Variants in PXDNL observed in about 807,000 individuals in gnomAD.
PXDNL encodes peroxidasin like, also known as probable oxidoreductase PXDNL.
Under a neutral mutation model 150.8 loss-of-function variants are expected in PXDNL, and 145 were observed. The ratio of observed to expected loss-of-function variants is 0.96; its 90% CI spans 0.84 to 1.10. PXDNL has a LOEUF of 1.10. Ranked by LOEUF, PXDNL falls within the 50% of genes least tolerant of loss-of-function variation. The probability of loss-of-function intolerance (pLI) is 0.00; values close to 1 mark genes in which losing one functional copy is unlikely to be tolerated. For synonymous variants in PXDNL, 757 were observed against 725.7 expected, an observed-to-expected ratio of 1.04 and a Z score of -0.69; for missense variants, 2,087 against 1,873.9, an observed-to-expected ratio of 1.11 and a Z score of -2.10.
intron 17 of PXDNL, among the ~76,000 whole-genome samples, chr8:51,386,057 G>A (rs1353877481): frequency 6.6e-6 from 1 of 151,848 alleles, no homozygotes; most frequent in Non-Finnish European, 1.5e-5. Flanking sequence ...CTCCATTGGT[G>A]GAATTCAAGA....
intron 1 of PXDNL, among the ~76,000 whole-genome samples, chr8:51,699,070 G>A (rs576280790): frequency 2.6e-5 from 4 of 152,088 alleles, no homozygotes; most frequent in Non-Finnish European, 5.9e-5. Flanking sequence ...AATTCTTGAG[G>A]ACTCTAGGAT....
chr8:51,466,475 A>C (rs190164460), intron 8 of PXDNL, among the ~76,000 whole-genome samples: 1 of 152,248 alleles, frequency 6.6e-6, no homozygotes, highest in Admixed American at 6.5e-5. Flanking sequence ...CCTTCTCACC[A>C]TCAGTCTTGG....
chr8:51,353,233 TCTC>T (rs1254052857), intron 19 of PXDNL, among the ~76,000 whole-genome samples: 1 of 150,502 alleles, frequency 6.6e-6, no homozygotes, highest in African/African-American at 2.4e-5. Flanking sequence ...AGTTATTACT[TCTC>T]CTTCCTTTAT....
intron 14 of PXDNL, among the ~76,000 whole-genome samples, chr8:51,422,487 T>C (rs570113312): frequency 6.6e-6 from 1 of 152,314 alleles, no homozygotes; most frequent in East Asian, 1.9e-4. Context: ...TTTATAAATA[T>C]GAGTTGATAA....
chr8:51,762,313 G>A (rs1168080084), intron 1 of PXDNL, among the ~76,000 whole-genome samples: 1 of 152,144 alleles, frequency 6.6e-6, no homozygotes, highest in Non-Finnish European at 1.5e-5. Flanking sequence ...ATCCTGCAAA[G>A]TCTCTTGTGG....
chr8:51,511,656 G>A lies in PXDNL; in HGVS notation c.381-11886C>T, dbSNP rs57615873. Among the ~76,000 whole-genome samples the A allele has an allele frequency of 5.5e-3, 832 of 152,306 alleles. 7 individuals are homozygous for A. Among genetic ancestry groups the A allele is most frequent in the African/African-American group, 0.019 (794 of 41,556 alleles). ...GCTGCAGGCCAGACTCAGGCAGGCA[G>A]GGCAGAAAAAGGATGACTGAGGTCA... On this transcript the variant is annotated intron_variant, in intron 4 of 22. Transcript: ENST00000356297.
chr8:51,633,680 AG>A lies in PXDNL; in HGVS notation c.236+21008del, dbSNP rs768106687. Among the ~76,000 whole-genome samples, 25 of 152,098 alleles carry A rather than the reference AG, an allele frequency of 1.6e-4. No individual in the cohort carries two copies. The South Asian group carries it at 2.3e-3, about 14-fold the overall frequency. ...GAAGAAGAAGAATAGCCATTCTGAC[AG>A]GTGTGAAATAGTGTTTTACTGTGGT... On this transcript the variant is annotated intron_variant, in intron 2 of 22. Coordinates refer to ENST00000356297, the MANE Select transcript of PXDNL (RefSeq NM_144651.5).
chr8:51,496,319 T>C (rs1292658026), intron 5 of PXDNL, among the ~76,000 whole-genome samples: 1 of 152,150 alleles, frequency 6.6e-6, no homozygotes, highest in Non-Finnish European at 1.5e-5. Flanking sequence ...CTACAGCCAA[T>C]ATCATACTGA....
chr8:51,590,622 C>T (rs1291610724), intron 3 of PXDNL, among the ~76,000 whole-genome samples: 1 of 152,206 alleles, frequency 6.6e-6, no homozygotes, highest in East Asian at 1.9e-4. Flanking sequence ...TTTGGATTAA[C>T]TTAGGGCCTC....
rs1466023886 is a variant in PXDNL, at chr8:51,408,770, G to A, written c.2854C>T (p.Pro952Ser). The change falls in exon 17 of 23, where the codon CCC (proline) becomes TCC (serine). Residue 952 changes from proline to serine, a missense_variant. Physicochemically the swap from Pro to Ser is moderately conservative, Grantham distance 74 (BLOSUM62 -1). Coordinates refer to ENST00000356297, the MANE Select transcript of PXDNL (RefSeq NM_144651.5). ...TECARQEQES[P>S]CFLAGDHRAN... The stretch of plus-strand genomic sequence containing the variant: ...CGGTGGTCCCCGGCCAGGAAACAGG[G>A]GCTCTCCTGCTCCTGTCGCGCGCAC... 1.3e-6 allele frequency: 2 copies of A among 1,586,128 alleles called. No homozygotes were observed. The highest frequency in any genetic ancestry group is 3.5e-5 in the Admixed American group (2 of 56,806).
chr8:51,437,338 G>T (rs1429011309), intron 12 of PXDNL, among the ~76,000 whole-genome samples: 1 of 152,104 alleles, frequency 6.6e-6, no homozygotes, highest in Non-Finnish European at 1.5e-5. Context: ...ATCATTCTAT[G>T]AAGCCAGTAT....
intron 8 of PXDNL, among the ~76,000 whole-genome samples, chr8:51,459,108 A>G (rs1486933483): frequency 6.6e-6 from 1 of 152,250 alleles, no homozygotes; most frequent in Non-Finnish European, 1.5e-5. Flanking sequence ...TTCTCAGTGT[A>G]AGTAGCATGA....
chr8:51,398,294 A>C (rs1808149590), intron 17 of PXDNL, among the ~76,000 whole-genome samples: 1 of 152,222 alleles, frequency 6.6e-6, no homozygotes, highest in African/African-American at 2.4e-5. Context: ...CCAGTTCCGG[A>C]AAGCTGAAGC....
chr8:51,395,396 G>A (rs1808050420), intron 17 of PXDNL, among the ~76,000 whole-genome samples: 2 of 151,972 alleles, frequency 1.3e-5, no homozygotes, highest in South Asian at 2.1e-4. Context: ...CTCAAATTCT[G>A]GTTTATAACA....
chr8:51,383,302 T>A (rs959833980), intron 17 of PXDNL, among the ~76,000 whole-genome samples: 1 of 152,202 alleles, frequency 6.6e-6, no homozygotes, highest in African/African-American at 2.4e-5. Flanking sequence ...GTATGTCATT[T>A]CACTTGTCAA....
chr8:51,800,494 G>C (rs1397470758), intron 1 of PXDNL, among the ~76,000 whole-genome samples: 2 of 152,178 alleles, frequency 1.3e-5, no homozygotes, highest in African/African-American at 2.4e-5. Context: ...TGCTTCTGCA[G>C]AACAAGCACA....
At chr8:51,674,297 G>T in intron 1 of PXDNL, among the ~76,000 whole-genome samples, 1 of 152,182 alleles carries the variant, frequency 6.6e-6, no homozygotes, top group East Asian at 1.9e-4. Flanking sequence ...TACTGAGATG[G>T]ATTCGATGAC....
intron 17 of PXDNL, among the ~76,000 whole-genome samples, chr8:51,379,546 TTATC>T (rs1807468135): frequency 6.6e-6 from 1 of 152,172 alleles, no homozygotes; most frequent in African/African-American, 2.4e-5. Flanking sequence ...TTACTGTTAA[TTATC>T]TATATATTCT....
intron 4 of PXDNL, among the ~76,000 whole-genome samples, chr8:51,548,609 A>G (rs1183380155): frequency 6.6e-6 from 1 of 152,192 alleles, no homozygotes; most frequent in Non-Finnish European, 1.5e-5. Context: ...TGAAGGAGAG[A>G]TAAAGTATAA....
Sources: allele counts gnomAD v4.1 joint callset (sites outside exome capture counted in the v4.1 genomes callset), GRCh38; gene constraint gnomAD v4.1.1; transcripts MANE v1.5; gene names NCBI Gene and HGNC (gene_info 2026-07-23, HGNC 2026-07-21).